EIF2AK4: variants seen among roughly 807,000 people sequenced by gnomAD.
EIF2AK4 encodes eukaryotic translation initiation factor 2 alpha kinase 4.
Under a neutral mutation model 211.1 loss-of-function variants are expected in EIF2AK4, and 139 were observed. The ratio of observed to expected loss-of-function variants is 0.66; its 90% CI spans 0.57 to 0.76. The LOEUF is 0.76. EIF2AK4 is among the 30% of genes least tolerant of loss of function. The pLI is 0.00. For synonymous variants in EIF2AK4, 710 were observed against 751.3 expected, an observed-to-expected ratio of 0.94 and a Z score of 0.90; for missense variants, 1,664 against 2,043.8, an observed-to-expected ratio of 0.81 and a Z score of 3.58.
At chr15:40,027,900 A>AT (rs986000790) in intron 33 of EIF2AK4, among the ~76,000 whole-genome samples, 2 of 151,686 alleles carry the variant, frequency 1.3e-5, no homozygotes, top group Non-Finnish European at 2.9e-5. Context: ...AAAAAAAAAA[A>AT]CAAAAAGAAC....
intron 32 of EIF2AK4, 59 bp downstream of exon 32, chr15:40,022,664 G>A (rs1315658272): frequency 1.4e-6 from 2 of 1,469,518 alleles, no homozygotes; most frequent in Non-Finnish European, 1.9e-6. Context: ...TGGAGCACCT[G>A]CCTTCACACT....
chr15:40,029,921 A>G (rs1164126915), intron 34 of EIF2AK4, among the ~76,000 whole-genome samples: 1 of 152,194 alleles, frequency 6.6e-6, no homozygotes, highest in Non-Finnish European at 1.5e-5. Flanking sequence ...AAGTGTTCCA[A>G]TTAAGGCCAT....
chr15:40,032,896 T>C, intron 37 of EIF2AK4, 95 bp downstream of exon 37: 1 of 1,050,258 alleles, frequency 9.5e-7, no homozygotes, highest in Non-Finnish European at 1.4e-6. Flanking sequence ...TCATTAGTGA[T>C]AGTATTTTTC....
chr15:39,991,159 G>A (rs1309096457), intron 16 of EIF2AK4: 1 of 152,304 alleles, frequency 6.6e-6, no homozygotes, highest in Non-Finnish European at 1.5e-5. Context: ...AGGAAAATAG[G>A]ATTTGAGTTA....
chr15:39,981,822 A>T (rs773509654), intron 13 of EIF2AK4, among the ~76,000 whole-genome samples: 1 of 151,850 alleles, frequency 6.6e-6, no homozygotes, highest in Non-Finnish European at 1.5e-5. Context: ...GAGTAATGGT[A>T]TGGGAAGTGT....
intron 32 of EIF2AK4, among the ~76,000 whole-genome samples, chr15:40,024,698 T>TC (rs2035441694): frequency 9.0e-6 from 1 of 110,822 alleles, no homozygotes; most frequent in African/African-American, 3.2e-5. Context: ...GCGCCCAGCC[T>TC]CCTTTTTTTT....
At chr15:40,034,817 T>C in intron 38 of EIF2AK4, among the ~76,000 whole-genome samples, 1 of 152,354 alleles carries the variant, frequency 6.6e-6, no homozygotes, top group Middle Eastern at 3.4e-3. Flanking sequence ...AGGAAGCCTA[T>C]GAGGTGAATG....
chr15:39,967,237 T>A, intron 8 of EIF2AK4, 107 bp from the exon 9 acceptor site: 1 of 1,337,060 alleles, frequency 7.5e-7, no homozygotes, highest in Non-Finnish European at 9.9e-7. Context: ...TTTGGTTTTG[T>A]TTTTTTATGC....
intron 5 of EIF2AK4, among the ~76,000 whole-genome samples, chr15:39,955,156 C>G (rs1024776020): frequency 6.6e-6 from 1 of 152,206 alleles, no homozygotes; most frequent in Non-Finnish European, 1.5e-5. Context: ...TTCTTCTGTT[C>G]ATCTCCTGTT....
At chr15:39,988,669 T>G (rs1293652121) in intron 15 of EIF2AK4, among the ~76,000 whole-genome samples, 1 of 152,164 alleles carries the variant, frequency 6.6e-6, no homozygotes, top group African/African-American at 2.4e-5. Context: ...GAGAAAGTAT[T>G]TGAACATGTA....
intron 18 of EIF2AK4, among the ~76,000 whole-genome samples, chr15:39,993,878 TG>T (rs1332638668): frequency 1.3e-5 from 2 of 151,916 alleles, no homozygotes; most frequent in East Asian, 3.9e-4. Context: ...TGGAGAGAAG[TG>T]TGCTGAATTA....
At position 40,002,700 on chromosome 15, in the gene EIF2AK4, G is replaced by A. The variant is rs373379570; in HGVS notation, c.3160-13G>A. The A allele has an allele frequency of 3.3e-5, 54 of 1,613,688 alleles. No homozygotes were observed. The highest frequency in any genetic ancestry group is 4.5e-5 in the East Asian group (2 of 44,892). On this transcript the variant is annotated splice_polypyrimidine_tract_variant and intron_variant, in intron 21 of 38. Transcript: ENST00000263791. ...AGGCTTCAATGATGATGTTTTAATC[G>A]GTCCTGTTTTAGGGCAACTTCTCAA...
rs746171044 is a variant in EIF2AK4, at chr15:39,992,237, CAGA to C, written c.2686+12_2686+14del. The C allele has an allele frequency of 8.1e-6, 13 of 1,605,526 alleles. No homozygotes were observed. The highest frequency in any genetic ancestry group is 1.1e-5 in the Non-Finnish European group (13 of 1,175,698). ...TTAAGTCAGACCCTTCAGGTAAACC[CAGA>C]AGACTATATATTTCATCCATGTGTT... is the stretch of plus-strand genomic sequence containing the variant. On this transcript the variant is annotated intron_variant, in intron 17 of 38. Transcript: ENST00000263791.
intron 6 of EIF2AK4, among the ~76,000 whole-genome samples, chr15:39,958,241 C>T (rs1264336097): frequency 2.0e-5 from 3 of 152,168 alleles, no homozygotes; most frequent in Admixed American, 2.0e-4. Flanking sequence ...AACTAAAAAA[C>T]CAAAAAACCT....
chr15:40,025,237 T>A (rs898375968), intron 32 of EIF2AK4, among the ~76,000 whole-genome samples: 15 of 152,286 alleles, frequency 9.8e-5, no homozygotes, highest in Admixed American at 7.8e-4. Context: ...CAGAAAATGG[T>A]TATAGCTACA....
At position 40,005,551 on chromosome 15, in the gene EIF2AK4, G is replaced by A. The variant is rs73388598; in HGVS notation, c.3358-1465G>A. On this transcript the variant is annotated intron_variant, in intron 23 of 38. Coordinates refer to ENST00000263791, the MANE Select transcript of EIF2AK4 (RefSeq NM_001013703.4). Reference sequence around the variant, plus strand: ...AAAAACTGTACATAAGGTATACTGTGTGTGTCTGCATGTACTTTTTTGTTT... The same window carrying A: ...AAAAACTGTACATAAGGTATACTGTATGTGTCTGCATGTACTTTTTTGTTT... 8.9e-3 allele frequency among the ~76,000 whole-genome samples: 1,347 copies of A among 151,802 alleles called. 22 individuals carry two copies. Among genetic ancestry groups the A allele is most frequent in the African/African-American group, 0.031 (1,270 of 41,424 alleles).
At chr15:40,020,828 C>T (rs1004433418) in intron 30 of EIF2AK4, 71 bp from the exon 31 acceptor site, 16 of 1,424,742 alleles carry the variant, frequency 1.1e-5, no homozygotes, top group Non-Finnish European at 1.4e-5. Context: ...TGCCTCCCCT[C>T]CTGATGCTGG....
intron 32 of EIF2AK4, among the ~76,000 whole-genome samples, chr15:40,025,624 TGA>T: frequency 6.6e-6 from 1 of 151,998 alleles, no homozygotes; most frequent in South Asian, 2.1e-4. Flanking sequence ...TCACATGAAA[TGA>T]GAGCCCATTC....
At chr15:40,005,729 G>A (rs1402196900) in intron 23 of EIF2AK4, among the ~76,000 whole-genome samples, 1 of 151,508 alleles carries the variant, frequency 6.6e-6, no homozygotes, top group Non-Finnish European at 1.5e-5. Context: ...CCGCTACCAT[G>A]CCCGGCTAAT....
Sources: gnomAD v4.1 joint callset for allele counts (sites outside exome capture counted in the v4.1 genomes callset) on GRCh38, gnomAD v4.1.1 for gene constraint, MANE v1.5 for transcripts, NCBI Gene and HGNC (gene_info 2026-07-23, HGNC 2026-07-21) for gene names.